SPIDR: variants seen among roughly 807,000 people sequenced by gnomAD.
SPIDR encodes the protein DNA repair-scaffolding protein.
In SPIDR, 93 loss-of-function variants were observed where a neutral mutation model predicts 104.6. The observed-to-expected ratio is 0.89, with a 90% CI of 0.75 to 1.06. The LOEUF is 1.06. SPIDR is among the 50% of genes least tolerant of loss of function. SPIDR has a pLI of 0.00. For synonymous variants in SPIDR, 431 were observed against 416.9 expected, an observed-to-expected ratio of 1.03 and a Z score of -0.41; for missense variants, 1,154 against 1,111.2, an observed-to-expected ratio of 1.04 and a Z score of -0.55.
At chr8:47,315,432 T>C (rs1313225355) in intron 5 of SPIDR, among the ~76,000 whole-genome samples, 1 of 152,152 alleles carries the variant, frequency 6.6e-6, no homozygotes, top group Non-Finnish European at 1.5e-5. Flanking sequence ...AAAATCTGAA[T>C]ATTTGGAAGT....
chr8:47,293,299 A>T (rs1554570662), intron 4 of SPIDR, among the ~76,000 whole-genome samples: 1 of 152,208 alleles, frequency 6.6e-6, no homozygotes, highest in Non-Finnish European at 1.5e-5. Flanking sequence ...GGAAAAAAAT[A>T]ACAATACATA....
chr8:47,406,694 A>G (rs964119992), intron 6 of SPIDR, among the ~76,000 whole-genome samples: 1 of 152,234 alleles, frequency 6.6e-6, no homozygotes, highest in Non-Finnish European at 1.5e-5. Flanking sequence ...AGTGAAAAAC[A>G]TAACAAAAAC....
chr8:47,646,544 C>T (rs572710948), intron 10 of SPIDR, among the ~76,000 whole-genome samples: 6 of 152,310 alleles, frequency 3.9e-5, no homozygotes, highest in South Asian at 2.1e-4. Context: ...AATTATGGCA[C>T]GTGCTCATAG....
Position 47,478,379 on chromosome 8 carries a change from G to T in SPIDR, c.1097+37837G>T, listed in dbSNP as rs540134888. 1.1e-4 allele frequency among the ~76,000 whole-genome samples: 16 copies of T among 152,294 alleles called. No homozygotes were observed. The East Asian group carries it at 3.1e-3, about 29-fold the overall frequency. On this transcript the variant is annotated intron_variant, in intron 8 of 19. Transcript: ENST00000297423. The stretch of plus-strand genomic sequence containing the variant: ...GGGTTGTGCGTGACAGTTTCATCTT[G>T]GAAGTTTTAGGCTGCCATGACTGGG...
intron 14 of SPIDR, among the ~76,000 whole-genome samples, chr8:47,702,328 C>A (rs1323844715): frequency 6.6e-6 from 1 of 152,150 alleles, no homozygotes; most frequent in Non-Finnish European, 1.5e-5. Flanking sequence ...ACAACCCTGT[C>A]CCCAAAGCTT....
chr8:47,735,709 T>A lies in SPIDR; in HGVS notation c.*259T>A, dbSNP rs2154495632. On this transcript the variant is annotated 3_prime_UTR_variant, in exon 20 of 20. Transcript: ENST00000297423. ...TCGTTTTCACATTGAATCTTAAGTT[T>A]AAGCTCTTCATTTGGTATTTAGGCA... The A allele has an allele frequency of 2.4e-6, 2 of 817,940 alleles. No individual in the cohort carries two copies. Among genetic ancestry groups the A allele is most frequent in the African/African-American group, 1.7e-5 (1 of 58,092 alleles). The allele number at this position is 817,940 out of a possible 1,614,324, so 50.7% of individuals were successfully genotyped here.
At chr8:47,492,538 A>G (rs2154367506) in intron 8 of SPIDR, among the ~76,000 whole-genome samples, 1 of 152,258 alleles carries the variant, frequency 6.6e-6, no homozygotes, top group South Asian at 2.1e-4. Context: ...CTTCCTCCAG[A>G]ATGACTCTTT....
intron 7 of SPIDR, among the ~76,000 whole-genome samples, chr8:47,425,450 TGGTA>T (rs1394153684): frequency 6.6e-6 from 1 of 152,132 alleles, no homozygotes; most frequent in Admixed American, 6.5e-5. Context: ...TGCATGGGCA[TGGTA>T]GGAGCTGTGC....
intron 19 of SPIDR, 74 bp downstream of exon 19, chr8:47,729,539 C>G: frequency 6.7e-7 from 1 of 1,502,952 alleles, no homozygotes; most frequent in Non-Finnish European, 9.0e-7. Flanking sequence ...CCAGAGGAAG[C>G]CCCCACTCCC....
intron 9 of SPIDR, among the ~76,000 whole-genome samples, chr8:47,596,328 G>C (rs1196561036): frequency 6.6e-6 from 1 of 152,134 alleles, no homozygotes; most frequent in East Asian, 1.9e-4. Context: ...GTCATTGTGT[G>C]ACCATCATAG....
chr8:47,316,469 G>A (rs1402505769), intron 5 of SPIDR, among the ~76,000 whole-genome samples: 5 of 152,172 alleles, frequency 3.3e-5, no homozygotes, highest in African/African-American at 1.2e-4. Flanking sequence ...ATACCCACCA[G>A]TTGGAGACTG....
In SPIDR at chr8:47,605,282, A is replaced by G. The variant is rs575678258; in HGVS notation, c.1544+6086A>G. On this transcript the variant is annotated intron_variant, in intron 10 of 19. Transcript: ENST00000297423. Reference sequence around the variant, plus strand: ...GACCCATAGTACTGCAAAGTCTAATAAAGTGAGCACTGAAAATCTGTGCCC... The same window carrying G: ...GACCCATAGTACTGCAAAGTCTAATGAAGTGAGCACTGAAAATCTGTGCCC... Among the ~76,000 whole-genome samples the G allele has an allele frequency of 2.0e-5, 3 of 152,320 alleles. No individual in the cohort carries two copies. The South Asian group carries it at 6.2e-4, about 32-fold the overall frequency.
At chr8:47,571,939 T>C (rs1670574596) in intron 8 of SPIDR, among the ~76,000 whole-genome samples, 1 of 152,206 alleles carries the variant, frequency 6.6e-6, no homozygotes, top group Non-Finnish European at 1.5e-5. Context: ...GAGAGAACAC[T>C]GTATTAAATA....
chr8:47,306,530 A>G (rs896480400), intron 5 of SPIDR, among the ~76,000 whole-genome samples: 4 of 152,222 alleles, frequency 2.6e-5, no homozygotes, highest in Non-Finnish European at 5.9e-5. Flanking sequence ...CATATGGTCT[A>G]TCCTGGAAAA....
intron 8 of SPIDR, among the ~76,000 whole-genome samples, chr8:47,572,385 C>T (rs1215750120): frequency 2.0e-5 from 3 of 152,044 alleles, no homozygotes; most frequent in African/African-American, 2.4e-5. Context: ...GTATGAGGGC[C>T]GGGCACGGTG....
At chr8:47,450,445 T>C (rs1432704917) in intron 8 of SPIDR, among the ~76,000 whole-genome samples, 1 of 152,182 alleles carries the variant, frequency 6.6e-6, no homozygotes, top group Non-Finnish European at 1.5e-5. Flanking sequence ...CATTGGAAAT[T>C]AGGTTTCCAA....
chr8:47,601,753 G>T (rs1423761762), intron 10 of SPIDR, among the ~76,000 whole-genome samples: 1 of 152,174 alleles, frequency 6.6e-6, no homozygotes, highest in East Asian at 1.9e-4. Flanking sequence ...GCTGACCCAG[G>T]GTCAAGTTGT....
intron 8 of SPIDR, chr8:47,592,593 G>A (rs1476081959): frequency 3.0e-5 from 37 of 1,236,344 alleles, no homozygotes; most frequent in East Asian, 7.0e-5. Context: ...ATGATCCTGC[G>A]GGGCAGCCCT....
chr8:47,678,226 G>A (rs1457484685), intron 11 of SPIDR, among the ~76,000 whole-genome samples: 7 of 152,104 alleles, frequency 4.6e-5, no homozygotes, highest in Non-Finnish European at 1.0e-4. Context: ...CCTATTATTA[G>A]GGATTTTGCA....
Sources: gnomAD v4.1 joint callset for allele counts (sites outside exome capture counted in the v4.1 genomes callset) on GRCh38, gnomAD v4.1.1 for gene constraint, MANE v1.5 for transcripts, NCBI Gene and HGNC (gene_info 2026-07-23, HGNC 2026-07-21) for gene names.